GRIK3: variants seen among roughly 807,000 people sequenced by gnomAD.
GRIK3 encodes glutamate ionotropic receptor kainate type subunit 3.
GRIK3 carries 29 observed loss-of-function variants against 102.5 expected under a neutral mutation model. That is an observed-to-expected ratio of 0.28 (90% CI 0.21 to 0.39). The LOEUF is 0.39. GRIK3 is among the 10% of genes least tolerant of loss of function. The pLI, the probability that GRIK3 is intolerant of heterozygous loss-of-function variation, is 1.00. For synonymous variants in GRIK3, 511 were observed against 504.9 expected (o/e 1.01, Z -0.16); for missense variants, 908 against 1,252.4 (o/e 0.73, Z 4.15).
At chr1:37,025,589 TG>T (rs1263411691) in intron 1 of GRIK3, among the ~76,000 whole-genome samples, 9 of 152,196 alleles carry the variant, frequency 5.9e-5, no homozygotes, top group Non-Finnish European at 1.0e-4. Flanking sequence ...TCCGCCCAAT[TG>T]GGCAGCTTTT....
chr1:36,948,987 G>T (rs1641813744), intron 1 of GRIK3, among the ~76,000 whole-genome samples: 1 of 152,186 alleles, frequency 6.6e-6, no homozygotes, highest in Admixed American at 6.5e-5. Flanking sequence ...CAGGGGTCAA[G>T]GGCACTGCTG....
At chr1:36,831,193 A>T (rs1213520772) in intron 10 of GRIK3, among the ~76,000 whole-genome samples, 1 of 152,128 alleles carries the variant, frequency 6.6e-6, no homozygotes, top group Non-Finnish European at 1.5e-5. Context: ...TCATGGCTGG[A>T]CCCACCCTGC....
intron 1 of GRIK3, among the ~76,000 whole-genome samples, chr1:36,926,320 T>G (rs1641526780): frequency 6.6e-6 from 1 of 152,026 alleles, no homozygotes; most frequent in Admixed American, 6.6e-5. Context: ...TCAGGTGAGC[T>G]TCACAGTTCA....
At chr1:36,822,148 T>C (rs1642702110) in intron 11 of GRIK3, among the ~76,000 whole-genome samples, 2 of 152,192 alleles carry the variant, frequency 1.3e-5, no homozygotes, top group Non-Finnish European at 2.9e-5. Context: ...TGGACACAAC[T>C]CTGTCGGCCC....
chr1:36,850,621 C>T lies in GRIK3; in HGVS notation c.1213-197G>A, dbSNP rs567600375. ...CCTGCAGCTCTCCCTCCTCTCCTGA[C>T]GAGGGTCCCAGGGTGTCGAATCTCT... On this transcript the variant is annotated intron_variant, in intron 8 of 15. Transcript: ENST00000373091. The surrounding 1 kb of genome is among the most constrained non-coding windows in gnomAD (Gnocchi z 4.0). Among the ~76,000 whole-genome samples, 9 of 152,352 alleles carry T rather than the reference C, an allele frequency of 5.9e-5. No homozygotes were observed. Among genetic ancestry groups the T allele is most frequent in the South Asian group, 4.1e-4 (2 of 4,828 alleles).
At chr1:36,958,637 ACT>A (rs1641957022) in intron 1 of GRIK3, among the ~76,000 whole-genome samples, 1 of 81,148 alleles carries the variant, frequency 1.2e-5, no homozygotes, top group Non-Finnish European at 2.5e-5. Flanking sequence ...GTGCCCTGTG[ACT>A]GTGTGCCCAA....
At chr1:36,963,897 T>G (rs529399990) in intron 1 of GRIK3, among the ~76,000 whole-genome samples, 1 of 152,276 alleles carries the variant, frequency 6.6e-6, no homozygotes, top group South Asian at 2.1e-4. Context: ...GACCTGAGCC[T>G]CAGATTGTTT....
intron 1 of GRIK3, among the ~76,000 whole-genome samples, chr1:37,022,812 C>T (rs1272990772): frequency 6.6e-6 from 1 of 152,266 alleles, no homozygotes. Flanking sequence ...GAGTCCTGCA[C>T]TGTGCTAGAA....
intron 1 of GRIK3, among the ~76,000 whole-genome samples, chr1:37,031,663 G>T (rs1161964350): frequency 6.6e-6 from 1 of 152,234 alleles, no homozygotes; most frequent in East Asian, 1.9e-4. Flanking sequence ...ACTCCAGAGG[G>T]CCTAAATTCT....
intron 1 of GRIK3, among the ~76,000 whole-genome samples, chr1:36,908,506 G>C (rs551748156): frequency 1.3e-5 from 2 of 152,180 alleles, no homozygotes; most frequent in Non-Finnish European, 2.9e-5. Flanking sequence ...TTGGGTCTCA[G>C]CTTCTGGAGA....
rs1642402390 is a variant in GRIK3 at position 36,799,036 on chromosome 1, C to G, written c.*2815G>C. On this transcript the variant is annotated 3_prime_UTR_variant, in exon 16 of 16. Coordinates refer to ENST00000373091, the MANE Select transcript of GRIK3 (RefSeq NM_000831.4). Reference sequence around the variant, plus strand: ...CAAGAGCAAGAATGAGGCACGTGCTCTGAAACTATACTGGACAAAGTAAGA... The same window carrying G: ...CAAGAGCAAGAATGAGGCACGTGCTGTGAAACTATACTGGACAAAGTAAGA... The G allele has an allele frequency of 6.6e-6, 1 of 152,238 alleles. No individual in the cohort carries two copies. The highest frequency in any genetic ancestry group is 6.5e-5 in the Admixed American group (1 of 15,286). 9.4% of individuals were successfully genotyped at this position (152,238 alleles called of 1,614,324 possible). A position where few individuals can be genotyped will look rare whatever the true frequency, so the allele number is the denominator to read the frequency against.
At chr1:36,930,425 A>G (rs1641574909) in intron 1 of GRIK3, among the ~76,000 whole-genome samples, 2 of 152,190 alleles carry the variant, frequency 1.3e-5, no homozygotes, top group Non-Finnish European at 2.9e-5. Context: ...TTGTGGAATC[A>G]TAAATCCTAA....
intron 1 of GRIK3, among the ~76,000 whole-genome samples, chr1:36,984,233 C>T (rs914969813): frequency 1.3e-5 from 2 of 152,190 alleles, no homozygotes. Context: ...TGACATCATA[C>T]CCAGGCACAC....
At chr1:36,847,657 T>C (rs1231352110) in intron 9 of GRIK3, among the ~76,000 whole-genome samples, 2 of 152,238 alleles carry the variant, frequency 1.3e-5, no homozygotes, top group Admixed American at 6.5e-5. Context: ...TCATTCATGC[T>C]CTGAACTCTA....
rs76166744 is a variant in GRIK3, at chr1:36,907,817, T to C, written c.116-16721A>G. Among the ~76,000 whole-genome samples the C allele has an allele frequency of 9.3e-3, 1,408 of 151,958 alleles. 55 individuals are homozygous for C. The East Asian group carries it at 0.11, about 12-fold the overall frequency. On this transcript the variant is annotated intron_variant, in intron 1 of 15. Coordinates refer to ENST00000373091, the MANE Select transcript of GRIK3 (RefSeq NM_000831.4). ...CAAATATTGAGGGGCACCACAGAGG[T>C]TCAGAGAGTGGGTTCTAGGCACAGG...
At chr1:37,015,438 G>A (rs1442800496) in intron 1 of GRIK3, among the ~76,000 whole-genome samples, 1 of 152,204 alleles carries the variant, frequency 6.6e-6, no homozygotes, top group African/African-American at 2.4e-5. Flanking sequence ...CTGCCACCTG[G>A]CTCCAAAGGG....
At chr1:36,867,137 G>T (rs1557707730) in intron 5 of GRIK3, among the ~76,000 whole-genome samples, 1 of 152,182 alleles carries the variant, frequency 6.6e-6, no homozygotes, top group Non-Finnish European at 1.5e-5. Flanking sequence ...GAAGAAAAAT[G>T]GACACTGGCC....
chr1:36,977,218 C>G (rs549703494), intron 1 of GRIK3, among the ~76,000 whole-genome samples: 1 of 152,354 alleles, frequency 6.6e-6, no homozygotes, highest in South Asian at 2.1e-4. Flanking sequence ...ATCCTTACTT[C>G]ATTGAATCCT....
At chr1:36,923,770 C>G (rs985232193) in intron 1 of GRIK3, among the ~76,000 whole-genome samples, 3 of 152,174 alleles carry the variant, frequency 2.0e-5, no homozygotes, top group Non-Finnish European at 4.4e-5. Context: ...AGCTGAACCC[C>G]ATCGGGGGTG....
Sources: gnomAD v4.1 joint callset for allele counts (sites outside exome capture counted in the v4.1 genomes callset) on GRCh38, gnomAD v4.1.1 for gene constraint, Gnocchi (gnomAD v3.1) non-coding constraint, MANE v1.5 for transcripts, NCBI Gene and HGNC (gene_info 2026-07-23, HGNC 2026-07-21) for gene names.